SGCD: variants seen among roughly 807,000 people sequenced by gnomAD.
SGCD encodes the protein sarcoglycan delta.
A neutral mutation model predicts 36.6 loss-of-function variants in SGCD; 18 were observed. The ratio of observed to expected loss-of-function variants is 0.49; its 90% CI spans 0.34 to 0.73. The LOEUF (loss-of-function observed/expected upper bound fraction) is 0.73. Among genes scored for constraint, SGCD ranks in the 30% least tolerant of loss-of-function variants. The pLI, the probability that SGCD is intolerant of heterozygous loss-of-function variation, is 0.01. For synonymous variants in SGCD, 133 were observed against 130.6 expected (o/e 1.02, Z -0.12); for missense variants, 387 against 346.7 (o/e 1.12, Z -0.92).
At chr5:156,644,469 C>G (rs1159449575) in intron 6 of SGCD, among the ~76,000 whole-genome samples, 1 of 150,470 alleles carries the variant, frequency 6.6e-6, no homozygotes, top group Non-Finnish European at 1.5e-5. Context: ...GCCATTTTAT[C>G]TATTACGAGA....
intron 3 of SGCD, among the ~76,000 whole-genome samples, chr5:156,184,232 G>A (rs1229800396): frequency 6.6e-6 from 1 of 152,062 alleles, no homozygotes; most frequent in Non-Finnish European, 1.5e-5. Context: ...AATGCCTAAC[G>A]CTTTCACACC....
chr5:156,713,294 T>C (rs1013147854), intron 7 of SGCD, among the ~76,000 whole-genome samples: 1 of 152,072 alleles, frequency 6.6e-6, no homozygotes, highest in Non-Finnish European at 1.5e-5. Flanking sequence ...TATTAACACA[T>C]GTATGGACAT....
At chr5:156,578,558 T>C (rs1271933566) in intron 4 of SGCD, among the ~76,000 whole-genome samples, 1 of 152,212 alleles carries the variant, frequency 6.6e-6, no homozygotes, top group Non-Finnish European at 1.5e-5. Flanking sequence ...CTTCTTTTGG[T>C]TGGTAGGCTA....
At chr5:156,212,844 G>A (rs1764480266) in intron 3 of SGCD, among the ~76,000 whole-genome samples, 2 of 151,810 alleles carry the variant, frequency 1.3e-5, no homozygotes, top group South Asian at 2.1e-4. Flanking sequence ...AATAACAGGA[G>A]CAATTTTATA....
chr5:156,330,016 CAAAAA>C (rs758475764), intron 2 of SGCD, among the ~76,000 whole-genome samples: 10 of 57,560 alleles, frequency 1.7e-4, no homozygotes, highest in Non-Finnish European at 3.3e-4. Context: ...GATTCAGTCT[CAAAAA>C]AAAAAAAAAA....
intron 3 of SGCD, among the ~76,000 whole-genome samples, chr5:156,368,772 G>A (rs772613089): frequency 3.9e-5 from 6 of 152,206 alleles, no homozygotes; most frequent in East Asian, 1.9e-4. Context: ...TCTAATGCCC[G>A]ATGATCTGTC....
chr5:155,785,914 G>T, the SGCD span, among the ~76,000 whole-genome samples: 4 of 152,134 alleles, frequency 2.6e-5, no homozygotes, highest in Non-Finnish European at 5.9e-5. Context: ...CTAGTTTCCA[G>T]TTATTTACTG....
chr5:156,093,255 C>A (rs1416999425), intron 1 of SGCD, among the ~76,000 whole-genome samples: 2 of 152,220 alleles, frequency 1.3e-5, no homozygotes, highest in African/African-American at 2.4e-5. Context: ...CTTTCCTGCC[C>A]ATACCACATA....
chr5:155,774,736 C>G, the SGCD span, among the ~76,000 whole-genome samples: 1 of 152,138 alleles, frequency 6.6e-6, no homozygotes, highest in African/African-American at 2.4e-5. Flanking sequence ...CCAGGCCCAC[C>G]TGGATGATCC....
the SGCD span, among the ~76,000 whole-genome samples, chr5:155,851,974 G>A: frequency 6.6e-6 from 1 of 152,142 alleles, no homozygotes. Context: ...AGCTCCTCTA[G>A]TTGTCATTTC....
At chr5:156,224,268 C>A (rs183168467) in intron 3 of SGCD, among the ~76,000 whole-genome samples, 1 of 152,010 alleles carries the variant, frequency 6.6e-6, no homozygotes, top group African/African-American at 2.4e-5. Context: ...AGAGCCCATT[C>A]TCTTAAGAAT....
chr5:156,207,668 G>A (rs1301745808), intron 3 of SGCD, among the ~76,000 whole-genome samples: 1 of 152,096 alleles, frequency 6.6e-6, no homozygotes, highest in Non-Finnish European at 1.5e-5. Flanking sequence ...AATATAAATT[G>A]TAAAGAGTCT....
At chr5:156,478,296 C>T (rs1504937) in intron 3 of SGCD, among the ~76,000 whole-genome samples, 3,119 of 152,250 alleles carry the variant, frequency 0.02, 35 homozygotes, top group Non-Finnish European at 0.032. Flanking sequence ...TTGAGCTCAG[C>T]CTCAGACCTC....
At chr5:156,523,434 A>G (rs533183625) in intron 4 of SGCD, among the ~76,000 whole-genome samples, 7 of 152,276 alleles carry the variant, frequency 4.6e-5, no homozygotes, top group Admixed American at 4.6e-4. Context: ...CACTGGGATG[A>G]TATTGTATAC....
chr5:156,749,036 A>T (rs1468852568), intron 7 of SGCD, among the ~76,000 whole-genome samples: 2 of 152,130 alleles, frequency 1.3e-5, no homozygotes, highest in East Asian at 3.9e-4. Flanking sequence ...AAGTGCTAGG[A>T]TTATAGGCGT....
rs140884069 is a variant in SGCD at position 156,339,780 on chromosome 5, A to G, written c.4-4709A>G. Among the ~76,000 whole-genome samples the G allele has an allele frequency of 4.6e-3, 702 of 152,340 alleles. 5 individuals carry two copies. The highest frequency in any genetic ancestry group is 0.016 in the African/African-American group (663 of 41,586). On this transcript the variant is annotated intron_variant, in intron 2 of 8. Transcript: ENST00000337851. ...ATATTAGGAATACAAACAAGTTAAC[A>G]ACATGAATATATACTTAGAATGAGA...
rs756970013 is a variant in SGCD at position 156,344,539 on chromosome 5, G to A, written c.54G>A (p.Val18=). Residue 18 remains valine, a synonymous_variant, in exon 3 of 9, where the codon GTG becomes GTA. Coordinates refer to ENST00000337851, the MANE Select transcript of SGCD (RefSeq NM_000337.6). ...ACCGGAGCACCATGCCTGGCTCTGTGGGGCCACAGGTATACAAGGTGGGGA... is the reference window on the plus strand; with the variant it reads ...ACCGGAGCACCATGCCTGGCTCTGTAGGGCCACAGGTATACAAGGTGGGGA... ...THHRSTMPGS[V]GPQVYKVGIY... 5 of 1,610,428 alleles carry A rather than the reference G, an allele frequency of 3.1e-6. No individual in the cohort carries two copies. The East Asian group carries it at 1.1e-4, about 36-fold the overall frequency.
chr5:156,352,101 TACCAGCCCAATCAGAATA>T (rs201975011), intron 3 of SGCD, among the ~76,000 whole-genome samples: 17 of 152,364 alleles, frequency 1.1e-4, no homozygotes, highest in East Asian at 7.7e-4. Flanking sequence ...TAGTGCATTC[TACCAGCCCAATCAGAATA>T]ACCTGGCCTC....
At chr5:156,000,799 C>CATAT (rs145379741) in intron 1 of SGCD, among the ~76,000 whole-genome samples, 3,135 of 145,256 alleles carry the variant, frequency 0.022, 114 homozygotes, top group African/African-American at 0.079. Flanking sequence ...TTTCCTCACA[C>CATAT]ATATATATAT....
Sources: gnomAD v4.1 joint callset for allele counts (sites outside exome capture counted in the v4.1 genomes callset) on GRCh38, gnomAD v4.1.1 for gene constraint, MANE v1.5 for transcripts, NCBI Gene and HGNC (gene_info 2026-07-23, HGNC 2026-07-21) for gene names.